Variants in SYNPR observed in about 807,000 individuals in gnomAD.
The protein encoded by SYNPR is synaptoporin.
Under a neutral mutation model 32.9 loss-of-function variants are expected in SYNPR, and 23 were observed. That is an observed-to-expected ratio of 0.70 (90% CI 0.50 to 0.99). The LOEUF (loss-of-function observed/expected upper bound fraction) is 0.99, where lower values mean the gene tolerates loss of function less well. SYNPR is among the 50% of genes least tolerant of loss of function. The pLI, the probability that SYNPR is intolerant of heterozygous loss-of-function variation, is 0.00. For missense variants in SYNPR, 318 were observed against 349.3 expected (o/e 0.91, Z 0.71); for synonymous variants, 146 against 135.9 (o/e 1.07, Z -0.52).
intron 2 of SYNPR, among the ~76,000 whole-genome samples, chr3:63,406,702 T>A (rs1351480514): frequency 6.6e-6 from 1 of 152,166 alleles, no homozygotes; most frequent in African/African-American, 2.4e-5. Context: ...ATGTAGAATT[T>A]GAAGCTGAGC....
chr3:63,379,245 A>C (rs2087934238), intron 2 of SYNPR, among the ~76,000 whole-genome samples: 1 of 152,080 alleles, frequency 6.6e-6, no homozygotes, highest in Non-Finnish European at 1.5e-5. Context: ...GTTCATAGGA[A>C]CTTGAAAAGT....
chr3:63,392,198 C>T (rs974728216), intron 2 of SYNPR, among the ~76,000 whole-genome samples: 1 of 152,134 alleles, frequency 6.6e-6, no homozygotes, highest in East Asian at 1.9e-4. Context: ...TAATGTCATG[C>T]ATTAGTATAC....
intron 1 of SYNPR, among the ~76,000 whole-genome samples, chr3:63,236,225 T>C (rs1000319155): frequency 6.6e-6 from 1 of 152,108 alleles, no homozygotes; most frequent in Non-Finnish European, 1.5e-5. Flanking sequence ...TTCTTTTCCA[T>C]AGATCTATAC....
chr3:63,206,020 TTC>T, the SYNPR span, among the ~76,000 whole-genome samples: 1 of 152,214 alleles, frequency 6.6e-6, no homozygotes, highest in Admixed American at 6.5e-5. Context: ...GCTGGTTTTC[TTC>T]TGTTTTCCCC....
At chr3:63,476,727 G>C (rs744414) in intron 2 of SYNPR, among the ~76,000 whole-genome samples, 63,254 of 151,990 alleles carry the variant, frequency 0.42, 13,166 homozygotes, top group East Asian at 0.49. Flanking sequence ...TCTTCCAGGT[G>C]TTAGCTTAAA....
intron 2 of SYNPR, among the ~76,000 whole-genome samples, chr3:63,344,970 G>A (rs2087417980): frequency 6.6e-6 from 1 of 152,158 alleles, no homozygotes; most frequent in South Asian, 2.1e-4. Context: ...GGGTCTGGGT[G>A]GAGTCAGTTG....
chr3:63,589,129 T>G (rs1308836705), intron 4 of SYNPR, among the ~76,000 whole-genome samples: 1 of 152,084 alleles, frequency 6.6e-6, no homozygotes, highest in Non-Finnish European at 1.5e-5. Flanking sequence ...TAAGCCATTT[T>G]GTGTTGTATT....
At chr3:63,231,004 A>AC (rs1328108829) in intron 1 of SYNPR, among the ~76,000 whole-genome samples, 1 of 152,154 alleles carries the variant, frequency 6.6e-6, no homozygotes, top group Non-Finnish European at 1.5e-5. Context: ...CTAGGTACCT[A>AC]CCCAAAGGAA....
At chr3:63,399,008 A>G (rs2107098216) in intron 2 of SYNPR, among the ~76,000 whole-genome samples, 1 of 152,344 alleles carries the variant, frequency 6.6e-6, no homozygotes, top group Admixed American at 6.5e-5. Context: ...TGGAATTGAC[A>G]TGAAGGATAG....
chr3:63,600,340 G>A (rs1040547322), intron 4 of SYNPR, among the ~76,000 whole-genome samples: 6 of 152,192 alleles, frequency 3.9e-5, no homozygotes, highest in African/African-American at 9.6e-5. Flanking sequence ...GGAGGGGACA[G>A]GCATGGGTCA....
rs113595997 is a variant in SYNPR at position 63,411,238 on chromosome 3, T to C, written c.85-69594T>C. 3.9e-5 allele frequency among the ~76,000 whole-genome samples: 6 copies of C among 152,012 alleles called. 1 individual carries two copies. Among genetic ancestry groups the C allele is most frequent in the East Asian group, 1.9e-4 (1 of 5,156 alleles). ...AGTCTGAGGAGTCTGAGGTCAAAGG[T>C]GGTAAGGCTTGAAAAGGAGGTGAGC... On this transcript the variant is annotated intron_variant, in intron 2 of 5. Transcript: ENST00000478300.
intron 4 of SYNPR, among the ~76,000 whole-genome samples, chr3:63,594,493 T>C (rs888559617): frequency 4.6e-5 from 7 of 152,172 alleles, no homozygotes; most frequent in African/African-American, 1.7e-4. Flanking sequence ...ATCATGGCCT[T>C]CTAAAAGCAA....
chr3:63,552,272 A>T (rs530010863), intron 3 of SYNPR, among the ~76,000 whole-genome samples: 1 of 152,258 alleles, frequency 6.6e-6, no homozygotes, highest in African/African-American at 2.4e-5. Context: ...AAATAATGAG[A>T]AAAAGTGTGT....
At chr3:63,510,101 A>G (rs1701669021) in intron 3 of SYNPR, among the ~76,000 whole-genome samples, 1 of 152,148 alleles carries the variant, frequency 6.6e-6, no homozygotes, top group Non-Finnish European at 1.5e-5. Context: ...TGGCAGTAGA[A>G]GGCAAGGAAC....
intron 2 of SYNPR, among the ~76,000 whole-genome samples, chr3:63,407,407 T>A (rs765798338): frequency 6.6e-6 from 1 of 152,214 alleles, no homozygotes; most frequent in Non-Finnish European, 1.5e-5. Context: ...AATCTGTGGA[T>A]GCTGAAATCA....
chr3:63,451,580 G>A (rs1700381023), intron 2 of SYNPR, among the ~76,000 whole-genome samples: 1 of 152,044 alleles, frequency 6.6e-6, no homozygotes, highest in African/African-American at 2.4e-5. Flanking sequence ...TTACCCATTT[G>A]TTGTGGAGTC....
At chr3:63,266,746 G>A (rs554444799) in intron 2 of SYNPR, among the ~76,000 whole-genome samples, 189 of 149,540 alleles carry the variant, frequency 1.3e-3, no homozygotes, top group Non-Finnish European at 2.2e-3. Flanking sequence ...ATAAAGTCGT[G>A]TTGTTGTAGC....
intron 2 of SYNPR, among the ~76,000 whole-genome samples, chr3:63,357,493 T>A (rs1449763596): frequency 6.6e-6 from 1 of 152,070 alleles, no homozygotes; most frequent in Non-Finnish European, 1.5e-5. Flanking sequence ...ATCCATCAGG[T>A]CTTTTGGACA....
intron 4 of SYNPR, among the ~76,000 whole-genome samples, chr3:63,585,058 C>T (rs184800961): frequency 1.6e-4 from 25 of 152,160 alleles, no homozygotes; most frequent in African/African-American, 5.8e-4. Context: ...TCAGGCCTGC[C>T]ATTATCTCCC....
Sources: allele counts gnomAD v4.1 joint callset (sites outside exome capture counted in the v4.1 genomes callset), GRCh38; gene constraint gnomAD v4.1.1; transcripts MANE v1.5; gene names NCBI Gene and HGNC (gene_info 2026-07-23, HGNC 2026-07-21).